Variants in JPH3 observed in about 807,000 individuals in gnomAD.
JPH3 encodes junctophilin-3.
Under a neutral mutation model 59.6 loss-of-function variants are expected in JPH3, and 11 were observed. That is an observed-to-expected ratio of 0.18 (90% confidence interval 0.12 to 0.31). The LOEUF (loss-of-function observed/expected upper bound fraction) is 0.31, where lower values mean the gene tolerates loss of function less well. Ranked by LOEUF, JPH3 falls within the 10% of genes least tolerant of loss-of-function variation. JPH3 has a pLI of 1.00. For missense variants in JPH3, 1,202 were observed against 1,105.7 expected, an observed-to-expected ratio of 1.09 and a Z score of -1.24; for synonymous variants, 673 against 483.6, an observed-to-expected ratio of 1.39 and a Z score of -5.14.
intron 1 of JPH3, among the ~76,000 whole-genome samples, chr16:87,627,277 G>A (rs2031412733): frequency 6.6e-6 from 1 of 152,232 alleles, no homozygotes; most frequent in African/African-American, 2.4e-5. Flanking sequence ...GTTGGGGTGA[G>A]CTGAAAATCT....
chr16:87,697,710 G>C lies in JPH3; in HGVS notation c.*1050G>C, dbSNP rs758507950. The stretch of plus-strand genomic sequence containing the variant: ...CACAGTGGGCCTGGTCCCAGGACAG[G>C]AATGCGGTTCAAACCCAGTGGCTTG... On this transcript the variant is annotated 3_prime_UTR_variant, in exon 5 of 5. Transcript: ENST00000284262. 1.3e-5 allele frequency: 2 copies of C among 152,320 alleles called. No individual in the cohort carries two copies. Among genetic ancestry groups the C allele is most frequent in the African/African-American group, 4.8e-5 (2 of 41,464 alleles). 9.4% of individuals were successfully genotyped at this position (152,320 alleles called of 1,614,324 possible). A position where few individuals can be genotyped will look rare whatever the true frequency, so the allele number is the denominator to read the frequency against.
chr16:87,621,834 C>A (rs775096732), intron 1 of JPH3, among the ~76,000 whole-genome samples: 1 of 152,118 alleles, frequency 6.6e-6, no homozygotes, highest in African/African-American at 2.4e-5. Flanking sequence ...GGAAAGGGGG[C>A]GATTCTCCTG....
Position 87,690,360 on chromosome 16 carries a change from C to T in JPH3, c.2000C>T (p.Pro667Leu), listed in dbSNP as rs770562628. The change falls in exon 4 of 5, where the codon CCG becomes CTG. Residue 667 changes from proline to leucine, a missense_variant. Pro to Leu is a moderately conservative substitution (Grantham distance 98). Coordinates refer to ENST00000284262, the MANE Select transcript of JPH3 (RefSeq NM_020655.4). The stretch of plus-strand genomic sequence containing the variant: ...GCCCAGAACAAGGAGAACTTCAGGC[C>T]GGCCTCCTCCGCGGAGCCCGCCGTG... ...SKAQNKENFR[P>L]ASSAEPAVQK... The T allele has an allele frequency of 4.5e-6, 7 of 1,553,578 alleles. No individual in the cohort carries two copies. The highest frequency in any genetic ancestry group is 3.6e-5 in the South Asian group (3 of 82,252).
intron 2 of JPH3, among the ~76,000 whole-genome samples, chr16:87,675,192 C>T (rs1031455867): frequency 2.6e-4 from 39 of 147,346 alleles, no homozygotes; most frequent in Non-Finnish European, 5.1e-4. Context: ...CCGCCCCTCC[C>T]CCGCCGTTTC....
At chr16:87,645,156 G>A (rs1206377171) in intron 2 of JPH3, 121 bp downstream of exon 2, 7 of 1,031,040 alleles carry the variant, frequency 6.8e-6, no homozygotes, top group Non-Finnish European at 8.3e-6. Flanking sequence ...GCCTACACTG[G>A]TGTTTCTCAA....
At chr16:87,647,875 G>A (rs757986635) in intron 2 of JPH3, among the ~76,000 whole-genome samples, 15 of 152,232 alleles carry the variant, frequency 9.9e-5, no homozygotes, top group African/African-American at 1.7e-4. Flanking sequence ...AGGAACTGGC[G>A]TCTCACCCTT....
intron 1 of JPH3, among the ~76,000 whole-genome samples, chr16:87,642,140 G>A (rs2031974697): frequency 1.3e-5 from 2 of 152,222 alleles, no homozygotes; most frequent in South Asian, 2.1e-4. Flanking sequence ...GGGATACCCT[G>A]GGGACGGACA....
intron 2 of JPH3, among the ~76,000 whole-genome samples, chr16:87,662,701 G>A (rs567285300): frequency 6.6e-6 from 1 of 152,340 alleles, no homozygotes; most frequent in South Asian, 2.1e-4. Flanking sequence ...TGCCTTGGGG[G>A]CTTGACTGGC....
intron 2 of JPH3, among the ~76,000 whole-genome samples, chr16:87,658,750 C>T (rs1035511837): frequency 6.6e-6 from 1 of 152,198 alleles, no homozygotes; most frequent in Non-Finnish European, 1.5e-5. Flanking sequence ...CTTTCCTAAG[C>T]CCCTCTCTCC....
chr16:87,615,783 C>T (rs951433853), intron 1 of JPH3, among the ~76,000 whole-genome samples: 1 of 152,218 alleles, frequency 6.6e-6, no homozygotes, highest in Admixed American at 6.5e-5. Context: ...CTCCAGTCGC[C>T]TTCCCTCCTC....
At chr16:87,613,183 G>A (rs1183922448) in intron 1 of JPH3, among the ~76,000 whole-genome samples, 2 of 138,760 alleles carry the variant, frequency 1.4e-5, no homozygotes, top group Non-Finnish European at 3.0e-5. Context: ...TGCAAGCTCC[G>A]CCTGCCGGAT....
intron 1 of JPH3, among the ~76,000 whole-genome samples, chr16:87,610,229 G>T (rs905889917): frequency 6.6e-6 from 1 of 152,164 alleles, no homozygotes; most frequent in African/African-American, 2.4e-5. Flanking sequence ...TTACTCACTC[G>T]CCACTCACCT....
At chr16:87,692,942 A>G (rs1481021512) in intron 4 of JPH3, among the ~76,000 whole-genome samples, 1 of 152,216 alleles carries the variant, frequency 6.6e-6, no homozygotes, top group Non-Finnish European at 1.5e-5. Context: ...GCTGACTAGC[A>G]TCCGGCCCTT....
At chr16:87,670,291 C>T (rs1371494713) in intron 2 of JPH3, among the ~76,000 whole-genome samples, 2 of 152,198 alleles carry the variant, frequency 1.3e-5, no homozygotes, top group Non-Finnish European at 2.9e-5. Context: ...ACAACCTTAG[C>T]CTCTGTTCAT....
At chr16:87,649,720 C>G (rs115041564) in intron 2 of JPH3, among the ~76,000 whole-genome samples, 12 of 152,186 alleles carry the variant, frequency 7.9e-5, no homozygotes, top group African/African-American at 2.9e-4. Flanking sequence ...GATTGTAGCC[C>G]GTTTCTCCTT....
At chr16:87,687,349 C>T (rs1330112110) in intron 3 of JPH3, among the ~76,000 whole-genome samples, 2 of 152,218 alleles carry the variant, frequency 1.3e-5, no homozygotes, top group Admixed American at 1.3e-4. Flanking sequence ...GAAGCCTGGG[C>T]CATGCCGGCT....
chr16:87,612,492 G>T (rs891708130), intron 1 of JPH3, among the ~76,000 whole-genome samples: 2 of 152,162 alleles, frequency 1.3e-5, no homozygotes, highest in Non-Finnish European at 2.9e-5. Context: ...CTAACGTTCA[G>T]CGCAGGTTGA....
chr16:87,602,396 T>C (rs1243706288), upstream of JPH3, among the ~76,000 whole-genome samples: 1 of 99,800 alleles, frequency 1.0e-5, no homozygotes, highest in African/African-American at 3.7e-5. Flanking sequence ...CGCGCCCCTC[T>C]TGGGACCGCC....
intron 2 of JPH3, among the ~76,000 whole-genome samples, chr16:87,663,974 T>C (rs1054130566): frequency 6.6e-6 from 1 of 152,214 alleles, no homozygotes; most frequent in African/African-American, 2.4e-5. Flanking sequence ...TCGACTCTTC[T>C]GTGCTCATGT....
Sources: allele counts gnomAD v4.1 joint callset (sites outside exome capture counted in the v4.1 genomes callset), GRCh38; gene constraint gnomAD v4.1.1; transcripts MANE v1.5; gene names NCBI Gene and HGNC (gene_info 2026-07-23, HGNC 2026-07-21).